MAOA: variants seen among roughly 807,000 people sequenced by gnomAD.
MAOA encodes amine oxidase [flavin-containing] A.
In MAOA, 6 loss-of-function variants were observed where a neutral mutation model predicts 42.0. The ratio of observed to expected loss-of-function variants is 0.14; its 90% CI spans 0.08 to 0.28. MAOA has a LOEUF of 0.28. Ranked by LOEUF, MAOA falls within the 10% of genes least tolerant of loss-of-function variation. MAOA has a pLI of 1.00. For synonymous variants in MAOA, 140 were observed against 154.0 expected (o/e 0.91, Z 0.67); for missense variants, 262 against 422.3 (o/e 0.62, Z 3.33).
chrX:43,689,565 C>T (rs2033516577), intron 2 of MAOA, among the ~76,000 whole-genome samples: 1 of 111,914 alleles, frequency 8.9e-6, no homozygotes, highest in South Asian at 3.7e-4. Flanking sequence ...CTAAAAAATA[C>T]AAAAGCTTTC....
At chrX:43,740,955 T>A (rs1406309070) in intron 11 of MAOA, among the ~76,000 whole-genome samples, 1 of 111,540 alleles carries the variant, frequency 9.0e-6, no homozygotes, top group East Asian at 2.8e-4. Flanking sequence ...GCTGTTTAAA[T>A]GTTCACTAGA....
intron 1 of MAOA, among the ~76,000 whole-genome samples, chrX:43,676,769 ATG>A (rs761762083): frequency 0.12 from 11,838 of 102,367 alleles, 1,129 homozygotes; most frequent in African/African-American, 0.31. Flanking sequence ...CATACAAAAA[ATG>A]TGTGTGTGTG....
At chrX:43,705,441 ACTT>A (rs1448238464) in intron 3 of MAOA, among the ~76,000 whole-genome samples, 1 of 112,191 alleles carries the variant, frequency 8.9e-6, no homozygotes, top group African/African-American at 3.2e-5. Context: ...ATGAAGCTGG[ACTT>A]CTTCTCACAC....
chrX:43,672,352 A>G (rs904625448), intron 1 of MAOA, among the ~76,000 whole-genome samples: 6 of 110,756 alleles, frequency 5.4e-5, no homozygotes, highest in Non-Finnish European at 1.1e-4. Context: ...GGCTGAGACA[A>G]TGGGGTTTTC....
chrX:43,725,603 G>A lies in MAOA; in HGVS notation c.504-2570G>A, dbSNP rs1370591562. Among the ~76,000 whole-genome samples the A allele has an allele frequency of 4.5e-5, 5 of 110,980 alleles. 1 individual carries two copies. In the South Asian group the frequency reaches 1.5e-3, roughly 34 times the overall value. On this transcript the variant is annotated intron_variant, in intron 5 of 14. Coordinates refer to ENST00000338702, the MANE Select transcript of MAOA (RefSeq NM_000240.4). Reference sequence around the variant, plus strand: ...ATGGGTCTTCCAAATACAGCACACCGATGGGTCTTGACTCTTTAGCCAGTT... The same window carrying A: ...ATGGGTCTTCCAAATACAGCACACCAATGGGTCTTGACTCTTTAGCCAGTT...
At chrX:43,714,955 G>T (rs1054681093) in intron 5 of MAOA, among the ~76,000 whole-genome samples, 3 of 109,004 alleles carry the variant, frequency 2.8e-5, no homozygotes, top group African/African-American at 1.0e-4. Context: ...TTCCAGCAAT[G>T]ACCCAGAGGG....
At chrX:43,725,618 T>G (rs2147100452) in intron 5 of MAOA, among the ~76,000 whole-genome samples, 1 of 111,797 alleles carries the variant, frequency 8.9e-6, no homozygotes, top group Non-Finnish European at 1.9e-5. Context: ...GTCTTGACTC[T>G]TTAGCCAGTT....
intron 5 of MAOA, among the ~76,000 whole-genome samples, chrX:43,723,445 G>A (rs1238807714): frequency 9.0e-6 from 1 of 111,473 alleles, no homozygotes; most frequent in Non-Finnish European, 1.9e-5. Context: ...TATTCTCTTT[G>A]TAGCAATTGT....
chrX:43,680,941 A>C (rs2033437485), intron 1 of MAOA, among the ~76,000 whole-genome samples: 1 of 111,336 alleles, frequency 9.0e-6, no homozygotes, highest in Non-Finnish European at 1.9e-5. Flanking sequence ...GTGTTTGTTT[A>C]GTATTATTAT....
At chrX:43,698,331 A>G (rs1406251336) in intron 3 of MAOA, among the ~76,000 whole-genome samples, 1 of 111,865 alleles carries the variant, frequency 8.9e-6, no homozygotes, top group African/African-American at 3.3e-5. Flanking sequence ...TTACAGTGCA[A>G]GTTTTAGCAA....
At chrX:43,721,908 C>A (rs886819393) in intron 5 of MAOA, among the ~76,000 whole-genome samples, 1 of 110,734 alleles carries the variant, frequency 9.0e-6, no homozygotes, top group East Asian at 2.9e-4. Context: ...TCTCGTTGTT[C>A]AACTCTCACT....
At chrX:43,692,245 G>C (rs1274504790) in intron 2 of MAOA, among the ~76,000 whole-genome samples, 1 of 110,899 alleles carries the variant, frequency 9.0e-6, no homozygotes, top group Non-Finnish European at 1.9e-5. Context: ...GCCCCATGAA[G>C]TGTGTACTGA....
intron 4 of MAOA, among the ~76,000 whole-genome samples, 180 bp downstream of exon 4, chrX:43,712,156 G>T (rs1360492622): frequency 9.0e-6 from 1 of 111,655 alleles, no homozygotes; most frequent in African/African-American, 3.3e-5. Context: ...AGTGCCCAGA[G>T]ATTATGTAAT....
chrX:43,687,940 T>A (rs1268187033), intron 2 of MAOA, among the ~76,000 whole-genome samples: 4 of 112,934 alleles, frequency 3.5e-5, no homozygotes, highest in African/African-American at 1.3e-4. Flanking sequence ...CTAGGCCAGA[T>A]TACTAGAGTA....
At chrX:43,725,152 G>A (rs1228022880) in intron 5 of MAOA, among the ~76,000 whole-genome samples, 2 of 111,975 alleles carry the variant, frequency 1.8e-5, no homozygotes, top group Non-Finnish European at 3.8e-5. Flanking sequence ...ATACTCTCTT[G>A]ATTTGGGGTG....
chrX:43,721,153 T>C (rs1398414203), intron 5 of MAOA, among the ~76,000 whole-genome samples: 1 of 110,951 alleles, frequency 9.0e-6, no homozygotes, highest in African/African-American at 3.3e-5. Context: ...AATGGTATCT[T>C]TCAAGAATGA....
intron 13 of MAOA, 47 bp from the exon 14 acceptor site, chrX:43,744,062 G>A (rs55741937): frequency 0.016 from 18,608 of 1,194,625 alleles, 129 homozygotes; most frequent in Non-Finnish European, 0.018. Context: ...TGAATCTGTA[G>A]AAACTATACA....
At chrX:43,667,867 A>G (rs2033296047) in intron 1 of MAOA, among the ~76,000 whole-genome samples, 1 of 112,071 alleles carries the variant, frequency 8.9e-6, no homozygotes, top group Admixed American at 9.5e-5. Flanking sequence ...CCTATACTAT[A>G]TACAGGGAAT....
chrX:43,736,665 T>G (rs1022991336), intron 10 of MAOA, among the ~76,000 whole-genome samples: 5 of 112,101 alleles, frequency 4.5e-5, no homozygotes, highest in African/African-American at 9.7e-5. Context: ...CTGTAGCAAC[T>G]TTTGTACATG....
Sources: gnomAD v4.1 joint callset for allele counts (sites outside exome capture counted in the v4.1 genomes callset) on GRCh38, gnomAD v4.1.1 for gene constraint, MANE v1.5 for transcripts, NCBI Gene and HGNC (gene_info 2026-07-23, HGNC 2026-07-21) for gene names.